Variants in SEMA3C observed in about 807,000 individuals in gnomAD.
The protein encoded by SEMA3C is semaphorin 3C, also known as semaphorin-3C.
SEMA3C carries 47 observed loss-of-function variants against 89.4 expected under a neutral mutation model. The ratio of observed to expected loss-of-function variants is 0.53; its 90% confidence interval spans 0.42 to 0.67. The LOEUF is 0.67. SEMA3C is among the 30% of genes least tolerant of loss of function. The pLI is 0.00. For synonymous variants in SEMA3C, 310 were observed against 320.2 expected, an observed-to-expected ratio of 0.97 and a Z score of 0.34; for missense variants, 839 against 929.1, an observed-to-expected ratio of 0.90 and a Z score of 1.26.
intron 17 of SEMA3C, 150 bp downstream of exon 17, chr7:80,748,748 A>G: frequency 1.4e-6 from 1 of 718,496 alleles, no homozygotes; most frequent in East Asian, 2.7e-5. Flanking sequence ...AGGACAAAGG[A>G]TTTTAAGGAA....
chr7:80,853,890 A>ATG (rs1562906683), intron 2 of SEMA3C, among the ~76,000 whole-genome samples: 1 of 147,802 alleles, frequency 6.8e-6, no homozygotes, highest in East Asian at 2.0e-4. Flanking sequence ...TACCCCATAT[A>ATG]TATGTGTGTG....
At chr7:80,909,229 A>G (rs1056931956) in intron 2 of SEMA3C, among the ~76,000 whole-genome samples, 1 of 152,168 alleles carries the variant, frequency 6.6e-6, no homozygotes, top group Non-Finnish European at 1.5e-5. Context: ...CTTCAGAGCT[A>G]TTAATTCTAC....
intron 2 of SEMA3C, among the ~76,000 whole-genome samples, chr7:80,898,773 G>C (rs1178223943): frequency 6.7e-6 from 1 of 149,380 alleles, no homozygotes; most frequent in Non-Finnish European, 1.5e-5. Flanking sequence ...AATAGTATTA[G>C]CCCACATTGT....
intron 14 of SEMA3C, among the ~76,000 whole-genome samples, chr7:80,760,342 C>T (rs1788156902): frequency 6.6e-6 from 1 of 152,134 alleles, no homozygotes; most frequent in Non-Finnish European, 1.5e-5. Flanking sequence ...TTGAATCCTG[C>T]CCTGCTACTT....
intron 2 of SEMA3C, among the ~76,000 whole-genome samples, chr7:80,829,527 G>A (rs1237552307): frequency 7.2e-5 from 11 of 152,128 alleles, no homozygotes; most frequent in Admixed American, 2.6e-4. Flanking sequence ...TAATTAGTCC[G>A]ACTTATTTTT....
intron 5 of SEMA3C, among the ~76,000 whole-genome samples, chr7:80,814,044 T>C (rs1293859741): frequency 6.6e-6 from 1 of 151,910 alleles, no homozygotes; most frequent in African/African-American, 2.4e-5. Flanking sequence ...CAACATAGTC[T>C]TTTTTTCCCC....
intron 2 of SEMA3C, among the ~76,000 whole-genome samples, chr7:80,870,687 C>T (rs1180987416): frequency 2.0e-5 from 3 of 152,196 alleles, no homozygotes; most frequent in African/African-American, 4.8e-5. Context: ...CAAGGTCATG[C>T]AGCTTATATA....
intron 16 of SEMA3C, among the ~76,000 whole-genome samples, chr7:80,749,669 T>C (rs1181600777): frequency 6.6e-6 from 1 of 152,188 alleles, no homozygotes; most frequent in East Asian, 1.9e-4. Context: ...CTCTAAAACA[T>C]GGATTATAGC....
chr7:80,782,033 C>T (rs921944326), intron 12 of SEMA3C, among the ~76,000 whole-genome samples: 21 of 151,990 alleles, frequency 1.4e-4, no homozygotes, highest in Admixed American at 2.6e-4. Context: ...TTTTGGTGAG[C>T]ATGCAAGACA....
At chr7:80,814,684 G>A (rs1197538583) in intron 5 of SEMA3C, among the ~76,000 whole-genome samples, 1 of 151,778 alleles carries the variant, frequency 6.6e-6, no homozygotes, top group African/African-American at 2.4e-5. Flanking sequence ...CCTATACATG[G>A]TCTCTTCATT....
chr7:80,868,721 G>A (rs1235493096), intron 2 of SEMA3C, among the ~76,000 whole-genome samples: 8 of 152,168 alleles, frequency 5.3e-5, no homozygotes, highest in African/African-American at 1.7e-4. Context: ...GGGGGAGGAG[G>A]GGGATTATAG....
intron 11 of SEMA3C, 79 bp from the exon 12 acceptor site, chr7:80,789,607 GA>G: frequency 1.0e-6 from 1 of 1,002,528 alleles, no homozygotes. Context: ...CTCTACTTTT[GA>G]AATCACTTAG....
At chr7:80,753,395 A>G (rs1332366534) in intron 15 of SEMA3C, among the ~76,000 whole-genome samples, 2 of 152,192 alleles carry the variant, frequency 1.3e-5, no homozygotes, top group African/African-American at 4.8e-5. Flanking sequence ...AATATCATCC[A>G]CAATGGCTAA....
At chr7:80,784,258 C>T (rs1472463545) in intron 12 of SEMA3C, among the ~76,000 whole-genome samples, 5 of 149,126 alleles carry the variant, frequency 3.4e-5, no homozygotes, top group Non-Finnish European at 7.4e-5. Flanking sequence ...GTTTTATAGC[C>T]CTTCCTCAAG....
intron 9 of SEMA3C, among the ~76,000 whole-genome samples, chr7:80,801,874 T>C (rs1023184514): frequency 6.6e-6 from 1 of 152,130 alleles, no homozygotes; most frequent in Non-Finnish European, 1.5e-5. Context: ...ATAATCAACA[T>C]AATGGTTTTT....
intron 12 of SEMA3C, among the ~76,000 whole-genome samples, chr7:80,777,923 C>T (rs1788588306): frequency 6.6e-6 from 1 of 152,104 alleles, no homozygotes; most frequent in Non-Finnish European, 1.5e-5. Flanking sequence ...ACAAAATGTT[C>T]CCTTTTAAGA....
chr7:80,757,308 C>A (rs1159765935), intron 15 of SEMA3C, among the ~76,000 whole-genome samples: 2 of 152,222 alleles, frequency 1.3e-5, no homozygotes, highest in African/African-American at 4.8e-5. Flanking sequence ...ACTGAAAATA[C>A]CTATGACCTT....
intron 2 of SEMA3C, among the ~76,000 whole-genome samples, chr7:80,870,921 T>C (rs1791042044): frequency 6.6e-6 from 1 of 152,194 alleles, no homozygotes; most frequent in South Asian, 2.1e-4. Context: ...CTGCTTTATA[T>C]GAAAGGACTG....
chr7:80,894,948 G>A (rs1791698185), intron 2 of SEMA3C, among the ~76,000 whole-genome samples: 1 of 152,084 alleles, frequency 6.6e-6, no homozygotes, highest in Non-Finnish European at 1.5e-5. Context: ...TCCCTCAGCT[G>A]TAATATAAGG....
Sources: gnomAD v4.1 joint callset for allele counts (sites outside exome capture counted in the v4.1 genomes callset) on GRCh38, gnomAD v4.1.1 for gene constraint, MANE v1.5 for transcripts, NCBI Gene and HGNC (gene_info 2026-07-23, HGNC 2026-07-21) for gene names.